ZBTB38: variants seen among roughly 807,000 people sequenced by gnomAD.
ZBTB38 encodes the protein zinc finger and BTB domain containing 38.
Under a neutral mutation model 76.8 loss-of-function variants are expected in ZBTB38, and 20 were observed. That is an observed-to-expected ratio of 0.26 (90% CI 0.18 to 0.38). The LOEUF (loss-of-function observed/expected upper bound fraction) is 0.38, where lower values mean the gene tolerates loss of function less well. Ranked by LOEUF, ZBTB38 falls within the 10% of genes least tolerant of loss-of-function variation. The pLI, the probability that ZBTB38 is intolerant of heterozygous loss-of-function variation, is 1.00. For missense variants in ZBTB38, 1,082 were observed against 1,482.3 expected (o/e 0.73, Z 4.43); for synonymous variants, 504 against 544.2 (o/e 0.93, Z 1.03).
chr3:141,398,629 T>C (rs1163491566), intron 4 of ZBTB38, among the ~76,000 whole-genome samples: 1 of 152,228 alleles, frequency 6.6e-6, no homozygotes, highest in Non-Finnish European at 1.5e-5. Context: ...TCTTGTTTCA[T>C]GTAAATCTCC....
intron 5 of ZBTB38, among the ~76,000 whole-genome samples, chr3:141,437,502 C>T (rs1298712136): frequency 1.3e-5 from 2 of 152,164 alleles, no homozygotes; most frequent in Non-Finnish European, 1.5e-5. Flanking sequence ...TCTCTTATGG[C>T]ACTGAGTTTT....
At chr3:141,440,574 CTT>C (rs1417160099) in intron 5 of ZBTB38, among the ~76,000 whole-genome samples, 2 of 152,182 alleles carry the variant, frequency 1.3e-5, no homozygotes, top group African/African-American at 4.8e-5. Context: ...GGAGACGTCT[CTT>C]AATACAGAAT....
intron 4 of ZBTB38, among the ~76,000 whole-genome samples, chr3:141,390,837 G>C (rs374677833): frequency 6.6e-6 from 1 of 152,292 alleles, no homozygotes; most frequent in South Asian, 2.1e-4. Context: ...GAAGGCAAGT[G>C]CACAGAGGAA....
At position 141,332,022 on chromosome 3, in the gene ZBTB38, T is replaced by C. The variant is rs958679722; in HGVS notation, c.-739+7566T>C. Among the ~76,000 whole-genome samples the C allele has an allele frequency of 2.0e-5, 3 of 152,208 alleles. No homozygotes were observed. In the East Asian group the frequency reaches 5.8e-4, roughly 29 times the overall value. ...GGGGAAGAGGGTCAGCAGCGGGGAA[T>C]TGTGTCACCAACGTTTCTTTTTCTG... On this transcript the variant is annotated intron_variant, in intron 1 of 7. Coordinates refer to the ZBTB38 transcript ENST00000509842.
intron 2 of ZBTB38, among the ~76,000 whole-genome samples, chr3:141,380,592 G>A (rs376948567): frequency 7.9e-5 from 12 of 152,306 alleles, no homozygotes; most frequent in African/African-American, 2.6e-4. Flanking sequence ...AACATCCTCA[G>A]TGAGCCTCTC....
chr3:141,392,466 C>A, intron 4 of ZBTB38, among the ~76,000 whole-genome samples: 1 of 152,324 alleles, frequency 6.6e-6, no homozygotes, highest in South Asian at 2.1e-4. Context: ...ATTGTGTATC[C>A]TCCCTGTTCC....
chr3:141,410,102 T>C (rs1382528207), intron 5 of ZBTB38, among the ~76,000 whole-genome samples: 2 of 152,202 alleles, frequency 1.3e-5, no homozygotes, highest in Non-Finnish European at 1.5e-5. Flanking sequence ...TATTTTCTTT[T>C]GAGCAGAAAA....
chr3:141,327,927 C>A (rs192651218), intron 1 of ZBTB38, among the ~76,000 whole-genome samples: 46 of 152,282 alleles, frequency 3.0e-4, no homozygotes, highest in Admixed American at 7.8e-4. Flanking sequence ...CCAATCTTTC[C>A]TGAAAACCCT....
chr3:141,415,844 C>G (rs369216137), intron 5 of ZBTB38, among the ~76,000 whole-genome samples: 16 of 152,198 alleles, frequency 1.1e-4, no homozygotes, highest in African/African-American at 3.9e-4. Context: ...TCCACCATCT[C>G]CAGCCCCCAC....
Position 141,402,481 on chromosome 3 carries a change from C to T in ZBTB38, c.-105-1446C>T, listed in dbSNP as rs991034644. On this transcript the variant is annotated intron_variant, in intron 4 of 5. Transcript: ENST00000321464. ...GCCCCTCGCAGGGTCTTCGCGGGGC[C>T]GGGGGCGGGGCGGGGCGAGGCGCGG... 1.2e-4 allele frequency: 17 copies of T among 147,546 alleles called. 1 individual carries two copies. The highest frequency in any genetic ancestry group is 3.5e-3 in the Middle Eastern group (1 of 288). 9.1% of individuals were successfully genotyped at this position (147,546 alleles called of 1,614,324 possible).
At chr3:141,418,148 G>A (rs372216573) in intron 5 of ZBTB38, among the ~76,000 whole-genome samples, 5 of 152,132 alleles carry the variant, frequency 3.3e-5, no homozygotes, top group Admixed American at 3.3e-4. Context: ...ATGTAGTTAG[G>A]GGGTGAGAAC....
intron 5 of ZBTB38, among the ~76,000 whole-genome samples, chr3:141,424,441 G>A (rs2076007909): frequency 6.6e-6 from 1 of 152,140 alleles, no homozygotes; most frequent in African/African-American, 2.4e-5. Context: ...GATCACTTGA[G>A]CCCAGGAGTT....
In ZBTB38 at chr3:141,442,462, A is replaced by G; in HGVS notation, c.74A>G (p.Glu25Gly). Residue 25 changes from glutamate to glycine, a missense_variant, in exon 6 of 6, where the codon GAG (glutamate) becomes GGG (glycine). By Grantham distance (98) the Glu-to-Gly change is moderately conservative (BLOSUM62 -2). This residue lies in a region of ZBTB38 where 68 missense variants were observed against 153.0 expected (regional missense o/e 0.44). Coordinates refer to ENST00000321464, the MANE Select transcript of ZBTB38 (RefSeq NM_001376113.1). This position sits in a 1 kb window ranked among gnomAD's most constrained non-coding sequence, Gnocchi z 6.4. The stretch of plus-strand genomic sequence containing the variant: ...GACACGGTACTCTCCATCTTAAATG[A>G]GCAGCGCATTCGGGGCATTTTATGC... ...HSDTVLSILN[E>G]QRIRGILCDV... is the part of the protein sequence containing the mutation. 1 of 1,614,218 alleles carries G rather than the reference A, an allele frequency of 6.2e-7. No homozygotes were observed.
chr3:141,349,571 G>A (rs1357854319), intron 1 of ZBTB38, among the ~76,000 whole-genome samples: 3 of 151,816 alleles, frequency 2.0e-5, no homozygotes, highest in South Asian at 2.1e-4. Flanking sequence ...AATACAACAC[G>A]ATACAAAAAT....
chr3:141,383,717 C>A (rs755913576), intron 3 of ZBTB38: 1 of 152,174 alleles, frequency 6.6e-6, no homozygotes, highest in Non-Finnish European at 1.5e-5. Flanking sequence ...CAAGTAAGCA[C>A]GTTAATCAAA....
At chr3:141,365,471 A>G (rs1457168157), upstream of ZBTB38, among the ~76,000 whole-genome samples, 1 of 152,044 alleles carries the variant, frequency 6.6e-6, no homozygotes, top group Non-Finnish European at 1.5e-5. Flanking sequence ...CTCTTCTTAT[A>G]AAGCCACAAG....
chr3:141,401,342 T>C (rs1951869175), intron 4 of ZBTB38, among the ~76,000 whole-genome samples: 4 of 151,926 alleles, frequency 2.6e-5, no homozygotes. Flanking sequence ...TATACATGTG[T>C]ATGCATGTTG....
At chr3:141,426,739 T>G (rs1372378174) in intron 5 of ZBTB38, among the ~76,000 whole-genome samples, 1 of 152,184 alleles carries the variant, frequency 6.6e-6, no homozygotes, top group East Asian at 1.9e-4. Flanking sequence ...GCCCAGGTAC[T>G]CAAGACAAAG....
chr3:141,343,821 C>T (rs753246516), intron 1 of ZBTB38, among the ~76,000 whole-genome samples: 21 of 152,198 alleles, frequency 1.4e-4, no homozygotes, highest in Non-Finnish European at 2.4e-4. Flanking sequence ...GGCTCAGATT[C>T]GTGTTGTTTT....
Sources: allele counts gnomAD v4.1 joint callset (sites outside exome capture counted in the v4.1 genomes callset), GRCh38; gene constraint gnomAD v4.1.1; regional missense constraint gnomAD v4.1.1; non-coding constraint Gnocchi (gnomAD v3.1); transcripts MANE v1.5; gene names NCBI Gene and HGNC (gene_info 2026-07-23, HGNC 2026-07-21).